Variants in CASTOR2 observed in about 807,000 individuals in gnomAD.
CASTOR2 encodes the protein cytosolic arginine sensor for mTORC1 subunit 2, also known as GATS protein like 2.
Under a neutral mutation model 31.2 loss-of-function variants are expected in CASTOR2, and 8 were observed. That is an observed-to-expected ratio of 0.26 (90% CI 0.15 to 0.46). The LOEUF (loss-of-function observed/expected upper bound fraction) is 0.46. Ranked by LOEUF, CASTOR2 falls within the 20% of genes least tolerant of loss-of-function variation. The pLI is 0.99. For synonymous variants in CASTOR2, 162 were observed against 158.7 expected, an observed-to-expected ratio of 1.02 and a Z score of -0.16; for missense variants, 216 against 382.1, an observed-to-expected ratio of 0.57 and a Z score of 3.62.
At chr7:74,984,654 C>T (rs1276862545) in intron 1 of CASTOR2, among the ~76,000 whole-genome samples, 60 of 152,116 alleles carry the variant, frequency 3.9e-4, no homozygotes, top group Non-Finnish European at 7.1e-4. Flanking sequence ...GTGAGGCTCC[C>T]CTTGACTCAG....
intron 1 of CASTOR2, among the ~76,000 whole-genome samples, chr7:75,001,538 G>A (rs1197194319): frequency 1.2e-4 from 18 of 152,220 alleles, no homozygotes; most frequent in African/African-American, 1.7e-4. Flanking sequence ...TAGAAAAGGC[G>A]GAGAGAGAAT....
chr7:74,991,914 G>T (rs1333972571), intron 1 of CASTOR2, among the ~76,000 whole-genome samples: 2 of 152,098 alleles, frequency 1.3e-5, no homozygotes, highest in Admixed American at 6.6e-5. Context: ...CAAGGAGTGA[G>T]GTCATCACAT....
chr7:75,020,646 C>T (rs979011463), intron 6 of CASTOR2, among the ~76,000 whole-genome samples: 14 of 151,484 alleles, frequency 9.2e-5, no homozygotes, highest in South Asian at 4.2e-4. Context: ...GCCGCCACCA[C>T]GCCTGGCTAA....
At chr7:75,017,193 A>C (rs1485507954) in intron 2 of CASTOR2, among the ~76,000 whole-genome samples, 1 of 152,014 alleles carries the variant, frequency 6.6e-6, no homozygotes, top group Non-Finnish European at 1.5e-5. Flanking sequence ...TCACGCCTGT[A>C]ATCCCAGCAC....
chr7:75,008,020 C>T lies in CASTOR2; in HGVS notation c.140C>T (p.Thr47Met), dbSNP rs1804643365. The T allele has an allele frequency of 2.5e-6, 4 of 1,613,890 alleles. No individual in the cohort carries two copies. The highest frequency in any genetic ancestry group is 2.5e-6 in the Non-Finnish European group (3 of 1,179,854). The change falls in exon 2 of 9, where the codon ACG (threonine) becomes ATG (methionine). Residue 47 changes from threonine (T) to methionine (M), a missense_variant. Thr to Met is a moderately conservative substitution (Grantham distance 81). Around this residue, in one of 5 missense-constraint regions of CASTOR2, gnomAD observed 114 missense variants for 194.2 expected, o/e 0.59. Transcript: ENST00000616305. ...TGCAAGTTCTTCAGTCTGACTGAGA[C>T]GCCAGAGGATTACACTATCATTGTC... ...TRCKFFSLTE[T>M]PEDYTIIVDE...
intron 7 of CASTOR2, 95 bp downstream of exon 7, chr7:75,022,051 G>A: frequency 1.4e-6 from 2 of 1,404,036 alleles, no homozygotes; most frequent in Non-Finnish European, 2.0e-6. Flanking sequence ...CCCTGCTGGG[G>A]GGTACAGATG....
chr7:74,989,536 C>G (rs1804154474), intron 1 of CASTOR2, among the ~76,000 whole-genome samples: 1 of 151,770 alleles, frequency 6.6e-6, no homozygotes, highest in Admixed American at 6.6e-5. Context: ...ATCCTCCCAA[C>G]TCAGCCACCT....
rs1163580862 is a variant in CASTOR2 at position 75,017,808 on chromosome 7, A to G, written c.378+17A>G. 3.7e-6 allele frequency: 6 copies of G among 1,613,840 alleles called. No individual in the cohort carries two copies. Among genetic ancestry groups the G allele is most frequent in the Non-Finnish European group, 5.1e-6 (6 of 1,179,898 alleles). Reference sequence around the variant, plus strand: ...TTCATCCTGGTGAGCTGACCATCACAGACACGCCTTGCACACTCATGCCCG... The same window carrying G: ...TTCATCCTGGTGAGCTGACCATCACGGACACGCCTTGCACACTCATGCCCG... On this transcript the variant is annotated intron_variant, in intron 3 of 8. Transcript: ENST00000616305.
Position 74,997,697 on chromosome 7 carries a change from G to A in CASTOR2, c.114-10297G>A, listed in dbSNP as rs1368953775. ...TGCCTTGGCCTCCCCAAAGTGATGG[G>A]ATTACAGGCATGAACCACTGTGCCT... On this transcript the variant is annotated intron_variant, in intron 1 of 8. Transcript: ENST00000616305. Among the ~76,000 whole-genome samples, 11 of 151,948 alleles carry A rather than the reference G, an allele frequency of 7.2e-5. No individual in the cohort carries two copies. The East Asian group carries it at 2.1e-3, about 29-fold the overall frequency.
chr7:74,993,024 C>T (rs1195124844), intron 1 of CASTOR2, among the ~76,000 whole-genome samples: 1 of 151,204 alleles, frequency 6.6e-6, no homozygotes, highest in African/African-American at 2.4e-5. Context: ...CATGGTGAAA[C>T]TCCATCTCTT....
chr7:75,012,853 G>C (rs1395601678), intron 2 of CASTOR2, among the ~76,000 whole-genome samples: 1 of 152,018 alleles, frequency 6.6e-6, no homozygotes, highest in Non-Finnish European at 1.5e-5. Flanking sequence ...TGGCCAGGCT[G>C]GTCTCGAACT....
intron 1 of CASTOR2, among the ~76,000 whole-genome samples, chr7:75,007,021 G>A (rs1804621999): frequency 2.0e-5 from 3 of 152,166 alleles, no homozygotes; most frequent in Non-Finnish European, 4.4e-5. Context: ...CAATGGGTGG[G>A]GGTGCAGAGC....
rs1158122823 is a variant in CASTOR2 at position 75,026,107 on chromosome 7, G to T, written c.*1408G>T. ...AGTGGTCATGTCCAGGAGGCATGGG[G>T]TTAGCCGTGGTGTCCCTTCCAGTGG... On this transcript the variant is annotated 3_prime_UTR_variant, in exon 9 of 9. Transcript: ENST00000616305. Among the ~76,000 whole-genome samples the T allele has an allele frequency of 6.6e-6, 1 of 152,046 alleles. No individual in the cohort carries two copies. The highest frequency in any genetic ancestry group is 2.4e-5 in the African/African-American group (1 of 41,388).
At chr7:75,000,592 G>T (rs2131939380) in intron 1 of CASTOR2, among the ~76,000 whole-genome samples, 1 of 152,202 alleles carries the variant, frequency 6.6e-6, no homozygotes, top group African/African-American at 2.4e-5. Context: ...GGTTTGGGTG[G>T]GTGGGTCACT....
rs1292917081 is a variant in CASTOR2, at chr7:75,017,719, A to G, written c.306A>G (p.Ser102=). Residue 102 remains serine (S), a synonymous_variant, in exon 3 of 9, where the codon TCA becomes TCG. Coordinates refer to ENST00000616305, the MANE Select transcript of CASTOR2 (RefSeq NM_001145064.3). ...QPIGVTKIAK[S]VIAPLADQNI... ...TCGGCGTGACCAAGATCGCCAAGTC[A>G]GTCATCGCCCCACTGGCTGACCAGA... 8 of 1,614,024 alleles carry G rather than the reference A, an allele frequency of 5.0e-6. No homozygotes were observed. Among genetic ancestry groups the G allele is most frequent in the Non-Finnish European group, 5.9e-6 (7 of 1,179,882 alleles).
chr7:75,011,322 A>G (rs1427925960), intron 2 of CASTOR2, among the ~76,000 whole-genome samples: 1 of 151,382 alleles, frequency 6.6e-6, no homozygotes, highest in Non-Finnish European at 1.5e-5. Flanking sequence ...CCAGCTACTC[A>G]GGAGGCTGAG....
rs1805277185 is a variant in CASTOR2 at position 75,030,640 on chromosome 7, G to T, written c.*5941G>T. Among the ~76,000 whole-genome samples, 1 of 152,162 alleles carries T rather than the reference G, an allele frequency of 6.6e-6. No homozygotes were observed. Among genetic ancestry groups the T allele is most frequent in the Admixed American group, 6.5e-5 (1 of 15,278 alleles). ...CTTCCCCAGGTGGGCCAACCCACAG[G>T]GCTGCTTGAGTGTCTTCACAATATG... is the stretch of plus-strand genomic sequence containing the variant. On this transcript the variant is annotated 3_prime_UTR_variant, in exon 9 of 9. Transcript: ENST00000616305.
intron 1 of CASTOR2, among the ~76,000 whole-genome samples, chr7:74,977,442 G>A (rs1803841907): frequency 1.3e-5 from 2 of 148,364 alleles, no homozygotes; most frequent in East Asian, 2.0e-4. Context: ...GTGGAGTGGT[G>A]AGATCTTGGC....
At chr7:75,007,041 G>A (rs1176335702) in intron 1 of CASTOR2, among the ~76,000 whole-genome samples, 1 of 152,150 alleles carries the variant, frequency 6.6e-6, no homozygotes, top group Non-Finnish European at 1.5e-5. Context: ...CCCATGCCCG[G>A]CTTTGTGCTG....
Sources: allele counts gnomAD v4.1 joint callset (sites outside exome capture counted in the v4.1 genomes callset), GRCh38; gene constraint gnomAD v4.1.1; regional missense constraint gnomAD v4.1.1; transcripts MANE v1.5; gene names NCBI Gene and HGNC (gene_info 2026-07-23, HGNC 2026-07-21).